Variants in CCNT2 observed in about 807,000 individuals in gnomAD.
CCNT2 encodes the protein cyclin T2, also known as cyclin-T2.
In CCNT2, 18 loss-of-function variants were observed where a neutral mutation model predicts 70.0. The ratio of observed to expected loss-of-function variants is 0.26; its 90% CI spans 0.18 to 0.38. The LOEUF (loss-of-function observed/expected upper bound fraction) is 0.38. Ranked by LOEUF, CCNT2 falls within the 10% of genes least tolerant of loss-of-function variation. The probability of loss-of-function intolerance (pLI) is 1.00; values close to 1 mark genes in which losing one functional copy is unlikely to be tolerated. For missense variants in CCNT2, 734 were observed against 890.2 expected (o/e 0.82, Z 2.23); for synonymous variants, 334 against 313.3 (o/e 1.07, Z -0.70).
chr2:134,933,916 AGAAACT>A (rs1680966814), intron 2 of CCNT2, among the ~76,000 whole-genome samples: 1 of 152,206 alleles, frequency 6.6e-6, no homozygotes. Flanking sequence ...TTACAGATGC[AGAAACT>A]GAGCCACAAA....
At chr2:134,949,948 C>T (rs1041795736) in intron 7 of CCNT2, among the ~76,000 whole-genome samples, 2 of 152,090 alleles carry the variant, frequency 1.3e-5, no homozygotes, top group African/African-American at 2.4e-5. Context: ...GTGCCTGCCA[C>T]CACGCCTGGC....
At chr2:134,926,325 T>C (rs1249886800) in intron 2 of CCNT2, among the ~76,000 whole-genome samples, 2 of 152,332 alleles carry the variant, frequency 1.3e-5, no homozygotes, top group East Asian at 3.9e-4. Flanking sequence ...TTTTCTGTTA[T>C]TTTGTGTAAT....
intron 2 of CCNT2, among the ~76,000 whole-genome samples, chr2:134,934,178 A>T (rs975899253): frequency 8.5e-5 from 13 of 152,232 alleles, no homozygotes; most frequent in African/African-American, 2.9e-4. Flanking sequence ...ACAATTCTAA[A>T]CACTATTCGC....
chr2:134,955,309 G>C lies in CCNT2; in HGVS notation c.*661G>C, dbSNP rs1354443051. 4 of 152,882 alleles carry C rather than the reference G, an allele frequency of 2.6e-5. No individual in the cohort carries two copies. Among genetic ancestry groups the C allele is most frequent in the Non-Finnish European group, 5.9e-5 (4 of 68,288 alleles). 9.5% of individuals were successfully genotyped at this position (152,882 alleles called of 1,614,324 possible). On this transcript the variant is annotated 3_prime_UTR_variant, in exon 9 of 9. Coordinates refer to ENST00000264157, the MANE Select transcript of CCNT2 (RefSeq NM_058241.3). Reference sequence around the variant, plus strand: ...AGGCCTTACTGGAAGCCACTGATAGGGGACACTTCACTACCAGATGTGTGC... The same window carrying C: ...AGGCCTTACTGGAAGCCACTGATAGCGGACACTTCACTACCAGATGTGTGC...
chr2:134,919,916 C>T (rs1321512693), intron 2 of CCNT2, 25 bp downstream of exon 2: 15 of 1,513,376 alleles, frequency 9.9e-6, no homozygotes, highest in Middle Eastern at 1.8e-4. Flanking sequence ...TCTGTTTTTA[C>T]TGTCCGCAAA....
At chr2:134,920,765 G>A (rs1176652600) in intron 2 of CCNT2, among the ~76,000 whole-genome samples, 1 of 152,252 alleles carries the variant, frequency 6.6e-6, no homozygotes. Flanking sequence ...ATGGACCAAA[G>A]AAGACTTTCT....
chr2:134,955,428 T>G lies in CCNT2; in HGVS notation c.*780T>G, dbSNP rs1044004687. ...GCTGCTGAAATAGCCCCTAACTTTC[T>G]GAAGGCTTGAAGAGGAAAAAATAAA... On this transcript the variant is annotated 3_prime_UTR_variant, in exon 9 of 9. Transcript: ENST00000264157. 10 of 152,634 alleles carry G rather than the reference T, an allele frequency of 6.6e-5. No homozygotes were observed. Among genetic ancestry groups the G allele is most frequent in the African/African-American group, 2.2e-4 (9 of 41,434 alleles). The allele number at this position is 152,634 out of a possible 1,614,324, so 9.5% of individuals were successfully genotyped here.
At chr2:134,947,031 A>G (rs1559109273) in intron 6 of CCNT2, among the ~76,000 whole-genome samples, 2 of 152,242 alleles carry the variant, frequency 1.3e-5, no homozygotes, top group Admixed American at 6.5e-5. Context: ...CTGAACAGCA[A>G]CATAAAAAGA....
At chr2:134,949,132 T>C (rs1347154974) in intron 7 of CCNT2, among the ~76,000 whole-genome samples, 1 of 152,192 alleles carries the variant, frequency 6.6e-6, no homozygotes. Context: ...GCGATTCTCC[T>C]GCCTCAGCCT....
intron 6 of CCNT2, among the ~76,000 whole-genome samples, chr2:134,947,118 G>A (rs1485772256): frequency 2.0e-5 from 3 of 152,178 alleles, no homozygotes; most frequent in Non-Finnish European, 1.5e-5. Flanking sequence ...TATAGTGGAA[G>A]GAGAAAGGTA....
chr2:134,952,095 A>G (rs1682552160), intron 7 of CCNT2, among the ~76,000 whole-genome samples: 1 of 152,186 alleles, frequency 6.6e-6, no homozygotes, highest in South Asian at 2.1e-4. Flanking sequence ...TTGGTGCATC[A>G]TATCAAGGGG....
Position 134,944,668 on chromosome 2 carries a change from T to A in CCNT2, c.494-1433T>A, listed in dbSNP as rs1319526632. 4.1e-6 allele frequency: 4 copies of A among 981,980 alleles called. No homozygotes were observed. The African/African-American group carries it at 5.2e-5, about 13-fold the overall frequency. The allele number at this position is 981,980 out of a possible 1,614,324, so 60.8% of individuals were successfully genotyped here. On this transcript the variant is annotated intron_variant, in intron 5 of 8. Coordinates refer to ENST00000264157, the MANE Select transcript of CCNT2 (RefSeq NM_058241.3). Reference sequence around the variant, plus strand: ...TTTGAGTACAAACCATATATATGTTTAATGTCATTTTGTCTGACTAACATT... The same window carrying A: ...TTTGAGTACAAACCATATATATGTTAAATGTCATTTTGTCTGACTAACATT...
intron 5 of CCNT2, chr2:134,944,133 G>C: frequency 1.0e-6 from 1 of 984,234 alleles, no homozygotes; most frequent in Non-Finnish European, 1.2e-6. Context: ...TGTGGTTCCT[G>C]TTCTTCATGG....
At chr2:134,933,658 T>TC (rs1217105044) in intron 2 of CCNT2, among the ~76,000 whole-genome samples, 3 of 152,158 alleles carry the variant, frequency 2.0e-5, no homozygotes, top group Non-Finnish European at 4.4e-5. Flanking sequence ...AGCAGGACCC[T>TC]CCAAGAATTA....
At chr2:134,921,998 G>T (rs537180239) in intron 2 of CCNT2, among the ~76,000 whole-genome samples, 60 of 152,072 alleles carry the variant, frequency 3.9e-4, no homozygotes, top group Non-Finnish European at 6.2e-4. Context: ...ATCAAAAGTG[G>T]TTTTTATATT....
At chr2:134,945,768 CT>C (rs57267734) in intron 5 of CCNT2, 342,162 of 1,170,568 alleles carry the variant, frequency 0.29, 49,206 homozygotes, top group Middle Eastern at 0.68. Context: ...TCTTCTTCTT[CT>C]TTTTTTTTTA....
intron 5 of CCNT2, chr2:134,943,365 C>A: frequency 2.3e-6 from 2 of 853,930 alleles, no homozygotes; most frequent in Non-Finnish European, 2.8e-6. Flanking sequence ...CATGCCCCTG[C>A]ACTCTACCTT....
intron 7 of CCNT2, among the ~76,000 whole-genome samples, chr2:134,950,309 T>C (rs995592891): frequency 2.2e-4 from 34 of 152,306 alleles, no homozygotes; most frequent in Admixed American, 1.4e-3. Flanking sequence ...AGAACTGATA[T>C]GTTAAGACTT....
At chr2:134,944,464 A>T in intron 5 of CCNT2, 1 of 966,030 alleles carries the variant, frequency 1.0e-6, no homozygotes, top group Non-Finnish European at 1.2e-6. Context: ...TCAGAGATTA[A>T]TATTTTTTGT....
Sources: gnomAD v4.1 joint callset for allele counts (sites outside exome capture counted in the v4.1 genomes callset) on GRCh38, gnomAD v4.1.1 for gene constraint, MANE v1.5 for transcripts, NCBI Gene and HGNC (gene_info 2026-07-23, HGNC 2026-07-21) for gene names.